PCDH7: variants seen among roughly 807,000 people sequenced by gnomAD.
PCDH7 encodes protocadherin 7.
Under a neutral mutation model 58.9 loss-of-function variants are expected in PCDH7, and 17 were observed. The ratio of observed to expected loss-of-function variants is 0.29; its 90% CI spans 0.20 to 0.43. The LOEUF is 0.43. Ranked by LOEUF, PCDH7 falls within the 20% of genes least tolerant of loss-of-function variation. The pLI, the probability that PCDH7 is intolerant of heterozygous loss-of-function variation, is 1.00. For synonymous variants in PCDH7, 664 were observed against 616.4 expected (o/e 1.08, Z -1.14); for missense variants, 1,274 against 1,441.0 (o/e 0.88, Z 1.88).
intron 1 of PCDH7, among the ~76,000 whole-genome samples, chr4:30,751,392 G>T (rs1402993488): frequency 6.6e-6 from 1 of 152,102 alleles, no homozygotes; most frequent in African/African-American, 2.4e-5. Context: ...TAGGATCAAA[G>T]ATCTCAGAAA....
intron 2 of PCDH7, among the ~76,000 whole-genome samples, chr4:30,923,942 T>A (rs899142064): frequency 2.0e-4 from 31 of 152,300 alleles, no homozygotes; most frequent in African/African-American, 7.0e-4. Context: ...GTTAGAATAA[T>A]TGATGCATAT....
chr4:30,727,210 GTTAT>G (rs1714732830), intron 1 of PCDH7, among the ~76,000 whole-genome samples: 1 of 151,816 alleles, frequency 6.6e-6, no homozygotes. Flanking sequence ...CCTTATTGCA[GTTAT>G]TTATTTGTGA....
chr4:31,058,598 C>G (rs1266790350), intron 3 of PCDH7, among the ~76,000 whole-genome samples: 1 of 151,896 alleles, frequency 6.6e-6, no homozygotes, highest in Non-Finnish European at 1.5e-5. Context: ...TTCCTGAGGA[C>G]AATAAATATA....
intron 3 of PCDH7, among the ~76,000 whole-genome samples, chr4:31,054,925 A>G (rs1259869572): frequency 2.6e-5 from 4 of 152,194 alleles, no homozygotes; most frequent in African/African-American, 4.8e-5. Context: ...ACCTGCCATA[A>G]TTTTAGTTTC....
chr4:30,902,460 C>T (rs551434738), intron 1 of PCDH7, among the ~76,000 whole-genome samples: 2 of 152,190 alleles, frequency 1.3e-5, no homozygotes, highest in African/African-American at 4.8e-5. Context: ...AATGAGTTAG[C>T]TTAATTACAT....
chr4:30,963,246 G>T (rs1274421503), intron 3 of PCDH7, among the ~76,000 whole-genome samples: 1 of 152,154 alleles, frequency 6.6e-6, no homozygotes, highest in Admixed American at 6.5e-5. Flanking sequence ...TGTTGACTAA[G>T]CATATGTTTT....
intron 3 of PCDH7, among the ~76,000 whole-genome samples, chr4:31,065,443 C>G (rs1412783845): frequency 1.3e-5 from 2 of 151,944 alleles, no homozygotes; most frequent in East Asian, 3.9e-4. Flanking sequence ...TTTCAACTTT[C>G]TTTTCCCTCC....
intron 3 of PCDH7, among the ~76,000 whole-genome samples, chr4:30,989,543 G>A (rs148110109): frequency 1.3e-5 from 2 of 152,100 alleles, no homozygotes; most frequent in African/African-American, 2.4e-5. Flanking sequence ...TACAGGTGCC[G>A]CACCATTCCA....
chr4:30,845,411 G>A (rs554015945), intron 1 of PCDH7, among the ~76,000 whole-genome samples: 1 of 152,230 alleles, frequency 6.6e-6, no homozygotes, highest in African/African-American at 2.4e-5. Context: ...AACTTGTGGA[G>A]TTGAAGTTCC....
At chr4:31,013,043 C>T (rs1753311991) in intron 3 of PCDH7, among the ~76,000 whole-genome samples, 1 of 149,932 alleles carries the variant, frequency 6.7e-6, no homozygotes. Flanking sequence ...ATAAATTAGC[C>T]AGGCATAGTG....
rs141508078 is a variant in PCDH7, at chr4:30,925,528, C to T, written c.287+5159C>T. ...ACCAAATACCTGTCATACCTTTTTT[C>T]GTCTTCTGCAGAAAGAGACTAACAT... On this transcript the variant is annotated intron_variant, in intron 2 of 3. Coordinates refer to the PCDH7 transcript ENST00000509759. 3.1e-4 allele frequency among the ~76,000 whole-genome samples: 47 copies of T among 152,108 alleles called. No individual in the cohort carries two copies. The East Asian group carries it at 8.5e-3, about 27-fold the overall frequency.
chr4:30,772,810 G>A (rs1347577557), intron 1 of PCDH7, among the ~76,000 whole-genome samples: 3 of 152,204 alleles, frequency 2.0e-5, no homozygotes, highest in Admixed American at 2.0e-4. Context: ...AGTGCTGTAA[G>A]TTTTTAGAAA....
chr4:30,897,778 A>T (rs1739641659), intron 1 of PCDH7, among the ~76,000 whole-genome samples: 1 of 152,226 alleles, frequency 6.6e-6, no homozygotes, highest in Non-Finnish European at 1.5e-5. Flanking sequence ...AAACCAATGA[A>T]ATAGGTTGTA....
At chr4:30,769,479 C>G (rs1221032083) in intron 1 of PCDH7, among the ~76,000 whole-genome samples, 1 of 152,208 alleles carries the variant, frequency 6.6e-6, no homozygotes, top group Admixed American at 6.5e-5. Context: ...CTTGCCTTCC[C>G]AGGTAGAGAC....
At chr4:30,800,855 G>A (rs544093994) in intron 1 of PCDH7, among the ~76,000 whole-genome samples, 110 of 152,316 alleles carry the variant, frequency 7.2e-4, no homozygotes, top group Non-Finnish European at 1.2e-3. Flanking sequence ...AGCCAGAGAT[G>A]GGCTTTGACT....
At chr4:30,880,805 A>T (rs1736865717) in intron 1 of PCDH7, among the ~76,000 whole-genome samples, 1 of 152,196 alleles carries the variant, frequency 6.6e-6, no homozygotes, top group South Asian at 2.1e-4. Flanking sequence ...ATGGTAAACC[A>T]AACACAGAGA....
chr4:31,080,875 T>G (rs1759445424), intron 3 of PCDH7, among the ~76,000 whole-genome samples: 1 of 152,218 alleles, frequency 6.6e-6, no homozygotes, highest in Admixed American at 6.5e-5. Flanking sequence ...TTCTCCATAC[T>G]GTTCTTGTGG....
chr4:30,941,818 G>A (rs1003191222), intron 2 of PCDH7, among the ~76,000 whole-genome samples: 2 of 151,852 alleles, frequency 1.3e-5, no homozygotes, highest in African/African-American at 4.8e-5. Flanking sequence ...CTAGATATGT[G>A]TGCTAGGTGG....
At chr4:31,079,745 C>T (rs145577082) in intron 3 of PCDH7, among the ~76,000 whole-genome samples, 11 of 152,084 alleles carry the variant, frequency 7.2e-5, no homozygotes, top group East Asian at 3.9e-4. Flanking sequence ...ACATGTTCAA[C>T]GGTGTTAACT....
Sources: allele counts gnomAD v4.1 joint callset (sites outside exome capture counted in the v4.1 genomes callset), GRCh38; gene constraint gnomAD v4.1.1; transcripts MANE v1.5; gene names NCBI Gene and HGNC (gene_info 2026-07-23, HGNC 2026-07-21).